OR51A7: variants seen among roughly 807,000 people sequenced by gnomAD.
OR51A7 encodes olfactory receptor 51A7.
For missense variants in OR51A7, 409 were observed against 374.5 expected, an observed-to-expected ratio of 1.09 and a Z score of -0.76; for synonymous variants, 143 against 135.5, an observed-to-expected ratio of 1.05 and a Z score of -0.38.
At chr11:4,904,922 T>C (rs1166167857) in intron 1 of OR51A7, among the ~76,000 whole-genome samples, 1 of 151,920 alleles carries the variant, frequency 6.6e-6, no homozygotes, top group Non-Finnish European at 1.5e-5. Flanking sequence ...TAACATGGAG[T>C]AGTCAATGTG....
chr11:4,907,900 A>G lies in OR51A7; in HGVS notation c.531A>G (p.Ser177=). The G allele has an allele frequency of 6.2e-7, 1 of 1,614,082 alleles. No individual in the cohort carries two copies. Among genetic ancestry groups the G allele is most frequent in the Non-Finnish European group, 8.5e-7 (1 of 1,180,018 alleles). Residue 177 remains serine (S), a synonymous_variant, in exon 2 of 2, where the codon TCA becomes TCG. Coordinates refer to ENST00000641490, the MANE Select transcript of OR51A7 (RefSeq NM_001004749.2). ...GTCAAAAGAATCTTCTTTCTCACTC[A>G]TACTGTCTTCATCAGGATACCATGA... ...KYCQKNLLSH[S]YCLHQDTMKL...
Position 4,907,559 on chromosome 11 carries a change from G to A in OR51A7, c.190G>A (p.Ala64Thr). ...SLHEPMYYFL[A>T]MLAVSDMGLS... ...TCATGAGCCCATGTATTATTTCCTT[G>A]CCATGTTGGCTGTCTCTGACATGGG... The change falls in exon 2 of 2, where the codon GCC becomes ACC. Residue 64 changes from alanine to threonine, a missense_variant. Ala to Thr is a moderately conservative substitution (Grantham distance 58). Coordinates refer to ENST00000641490, the MANE Select transcript of OR51A7 (RefSeq NM_001004749.2). 6.2e-7 allele frequency: 1 copy of A among 1,613,920 alleles called. No individual in the cohort carries two copies. The highest frequency in any genetic ancestry group is 8.5e-7 in the Non-Finnish European group (1 of 1,179,986).
chr11:4,907,276 C>T, intron 1 of OR51A7, 63 bp from the exon 2 acceptor site: 1 of 785,276 alleles, frequency 1.3e-6, no homozygotes, highest in South Asian at 1.7e-5. Context: ...GAATGAACCC[C>T]TTATCCTCAC....
At position 4,908,624 on chromosome 11, in the gene OR51A7, T is replaced by A. The variant is rs560702827; in HGVS notation, c.*316T>A. On this transcript the variant is annotated 3_prime_UTR_variant, in exon 2 of 2. Transcript: ENST00000641490. ...GGGCAGATTGAGATTACCATTCAGT[T>A]AGTATCTATTAAAAATACAGATGAT... The A allele has an allele frequency of 2.6e-6, 1 of 389,374 alleles. No homozygotes were observed. The highest frequency in any genetic ancestry group is 5.9e-5 in the East Asian group (1 of 17,072). The allele number at this position is 389,374 out of a possible 1,614,324, so 24.1% of individuals were successfully genotyped here. A position where few individuals can be genotyped will look rare whatever the true frequency, so the allele number is the denominator to read the frequency against.
chr11:4,906,026 T>G (rs1000365781), intron 1 of OR51A7, among the ~76,000 whole-genome samples: 3 of 152,174 alleles, frequency 2.0e-5, no homozygotes, highest in African/African-American at 7.2e-5. Context: ...TACAGAGATA[T>G]AAGATTAAAT....
chr11:4,908,550 T>C lies in OR51A7; in HGVS notation c.*242T>C, dbSNP rs1850943169. 3.8e-6 allele frequency: 2 copies of C among 525,822 alleles called. No individual in the cohort carries two copies. The highest frequency in any genetic ancestry group is 6.4e-5 in the Admixed American group (2 of 31,174). The allele number at this position is 525,822 out of a possible 1,614,324, so 32.6% of individuals were successfully genotyped here. On this transcript the variant is annotated 3_prime_UTR_variant, in exon 2 of 2. Transcript: ENST00000641490. ...GGGAAGTTGAAGGAAAATACTTCTG[T>C]GATGGAGCAGCTGGATTTGAGTCAA... is the stretch of plus-strand genomic sequence containing the variant.
rs1044576163 is a variant in OR51A7, at chr11:4,908,136, C to T, written c.767C>T (p.Thr256Ile). ...CTCACCTTCTATGTGCCCATCATCA[C>T]CCTGGCTGCCATGCATCACTTTGCC... ...AVLTFYVPII[T>I]LAAMHHFAKH... The change falls in exon 2 of 2, where the codon ACC becomes ATC. Residue 256 changes from threonine to isoleucine, a missense_variant. By Grantham distance (89) the Thr-to-Ile change is moderately conservative. Transcript: ENST00000641490. The T allele has an allele frequency of 2.5e-6, 4 of 1,614,174 alleles. No homozygotes were observed. The highest frequency in any genetic ancestry group is 2.7e-5 in the African/African-American group (2 of 75,052).
chr11:4,904,824 C>T (rs573893890), intron 1 of OR51A7, among the ~76,000 whole-genome samples: 48 of 152,070 alleles, frequency 3.2e-4, no homozygotes, highest in Non-Finnish European at 2.8e-4. Flanking sequence ...CACATTTATT[C>T]TTTACATATT....
intron 1 of OR51A7, among the ~76,000 whole-genome samples, 185 bp from the exon 2 acceptor site, chr11:4,907,154 T>C (rs1294349432): frequency 1.4e-5 from 2 of 146,002 alleles, no homozygotes; most frequent in Non-Finnish European, 3.0e-5. Flanking sequence ...TAGGACAAGT[T>C]GTTAGAAGTG....
rs1177534024 is a variant in OR51A7, at chr11:4,908,399, G to A, written c.*91G>A. The A allele has an allele frequency of 9.3e-7, 1 of 1,077,274 alleles. No individual in the cohort carries two copies. The highest frequency in any genetic ancestry group is 2.4e-5 in the East Asian group (1 of 41,140). The allele number at this position is 1,077,274 out of a possible 1,614,324, so 66.7% of individuals were successfully genotyped here. On this transcript the variant is annotated 3_prime_UTR_variant, in exon 2 of 2. Transcript: ENST00000641490. Reference sequence around the variant, plus strand: ...AATGCCATAGAAGTCACTAATGAAGGACTGGATGATGGAAGTGAAAAGCTA... The same window carrying A: ...AATGCCATAGAAGTCACTAATGAAGAACTGGATGATGGAAGTGAAAAGCTA...
intron 1 of OR51A7, among the ~76,000 whole-genome samples, chr11:4,905,521 C>T (rs1850872010): frequency 6.6e-6 from 1 of 152,110 alleles, no homozygotes; most frequent in Admixed American, 6.6e-5. Context: ...CCTGTGTTTT[C>T]CACTGAAGGT....
chr11:4,908,889 G>C lies in OR51A7; in HGVS notation c.*581G>C, dbSNP rs1176458206. ...TTAAGAAGAGCGTGCCTGTAAACAT[G>C]GATTGAATTTGGGAGAGATGAGGAA... is the stretch of plus-strand genomic sequence containing the variant. On this transcript the variant is annotated 3_prime_UTR_variant, in exon 2 of 2. Coordinates refer to ENST00000641490, the MANE Select transcript of OR51A7 (RefSeq NM_001004749.2). The C allele has an allele frequency of 1.3e-5, 2 of 157,040 alleles. No homozygotes were observed. The highest frequency in any genetic ancestry group is 4.8e-5 in the African/African-American group (2 of 41,438). The allele number at this position is 157,040 out of a possible 1,614,324, so 9.7% of individuals were successfully genotyped here. A position where few individuals can be genotyped will look rare whatever the true frequency, so the allele number is the denominator to read the frequency against.
chr11:4,908,395 G>A lies in OR51A7; in HGVS notation c.*87G>A. ...GCTTAATGCCATAGAAGTCACTAAT[G>A]AAGGACTGGATGATGGAAGTGAAAA... On this transcript the variant is annotated 3_prime_UTR_variant, in exon 2 of 2. Transcript: ENST00000641490. The A allele has an allele frequency of 9.1e-7, 1 of 1,094,114 alleles. No individual in the cohort carries two copies. Among genetic ancestry groups the A allele is most frequent in the Non-Finnish European group, 1.4e-6 (1 of 722,640 alleles). 67.8% of individuals were successfully genotyped at this position (1,094,114 alleles called of 1,614,324 possible). A position where few individuals can be genotyped will look rare whatever the true frequency, so the allele number is the denominator to read the frequency against.
rs147819477 is a variant in OR51A7 at position 4,908,055 on chromosome 11, C to A, written c.686C>A (p.Ser229Tyr). Residue 229 changes from serine to tyrosine, a missense_variant, in exon 2 of 2, where the codon TCT becomes TAT. Coordinates refer to ENST00000641490, the MANE Select transcript of OR51A7 (RefSeq NM_001004749.2). ...LILKTILSIA[S>Y]LAERLKALNT... The stretch of plus-strand genomic sequence containing the variant: ...TTGAAGACTATACTCAGCATTGCAT[C>A]TTTGGCAGAGAGGCTTAAGGCCCTA... The A allele has an allele frequency of 1.5e-4, 240 of 1,614,148 alleles. No individual in the cohort carries two copies. The African/African-American group carries it at 2.6e-3, about 17-fold the overall frequency.
In OR51A7 at chr11:4,908,177, C is replaced by G. The variant is rs1850933451; in HGVS notation, c.808C>G (p.Leu270Val). The G allele has an allele frequency of 5.0e-6, 8 of 1,614,188 alleles. No homozygotes were observed. Among genetic ancestry groups the G allele is most frequent in the Middle Eastern group, 1.6e-4 (1 of 6,062 alleles). Residue 270 changes from leucine (L) to valine (V), a missense_variant, in exon 2 of 2, where the codon CTT (leucine) becomes GTT (valine). Physicochemically the swap from Leu to Val is conservative, Grantham distance 32 (BLOSUM62 1). Transcript: ENST00000641490. Reference sequence around the variant, plus strand: ...TCACTTTGCCAAGCACAAAAGCCCTCTTGTTGTGATCCTTATTGCAGATAT... The same window carrying G: ...TCACTTTGCCAAGCACAAAAGCCCTGTTGTTGTGATCCTTATTGCAGATAT... Reference protein sequence around the residue: ...MHHFAKHKSPLVVILIADMFL... With the variant: ...MHHFAKHKSPVVVILIADMFL...
chr11:4,906,007 C>T (rs556773680), intron 1 of OR51A7, among the ~76,000 whole-genome samples: 1 of 152,050 alleles, frequency 6.6e-6, no homozygotes, highest in Admixed American at 6.5e-5. Context: ...ATTTCTCTGA[C>T]TAATTAAATA....
Position 4,907,896 on chromosome 11 carries a change from A to T in OR51A7, c.527A>T (p.His176Leu), listed in dbSNP as rs758459369. The change falls in exon 2 of 2, where the codon CAC becomes CTC. Residue 176 changes from histidine (H) to leucine (L), a missense_variant. His to Leu is a moderately conservative substitution (Grantham distance 99). Transcript: ENST00000641490. ...TATTGTCAAAAGAATCTTCTTTCTCACTCATACTGTCTTCATCAGGATACC... is the reference window on the plus strand; with the variant it reads ...TATTGTCAAAAGAATCTTCTTTCTCTCTCATACTGTCTTCATCAGGATACC... ...LKYCQKNLLS[H>L]SYCLHQDTMK... The T allele has an allele frequency of 6.8e-6, 11 of 1,613,840 alleles. No individual in the cohort carries two copies. The highest frequency in any genetic ancestry group is 1.7e-5 in the Admixed American group (1 of 59,984).
In OR51A7 at chr11:4,907,442, A is replaced by G. The variant is rs1345656284; in HGVS notation, c.73A>G (p.Ile25Val). The G allele has an allele frequency of 6.8e-6, 11 of 1,613,896 alleles. No homozygotes were observed. The highest frequency in any genetic ancestry group is 9.3e-6 in the Non-Finnish European group (11 of 1,179,972). ...GATCCCAGGACTGGAACATGCCCAC[A>G]TTTGGTTCTCCATCCCCATTTGCCT... ...IGIPGLEHAH[I>V]WFSIPICLMY... Residue 25 changes from isoleucine to valine, a missense_variant, in exon 2 of 2, where the codon ATT becomes GTT. Transcript: ENST00000641490.
chr11:4,905,594 T>C (rs1254655664), intron 1 of OR51A7, among the ~76,000 whole-genome samples: 2 of 152,096 alleles, frequency 1.3e-5, no homozygotes, highest in Non-Finnish European at 2.9e-5. Context: ...TAGCTTGTCT[T>C]CTTCTCTCTA....
Sources: gnomAD v4.1 joint callset for allele counts (sites outside exome capture counted in the v4.1 genomes callset) on GRCh38, gnomAD v4.1.1 for gene constraint, MANE v1.5 for transcripts, NCBI Gene and HGNC (gene_info 2026-07-23, HGNC 2026-07-21) for gene names.